The following BSN variants were observed in gnomAD, a reference collection of about 807,000 sequenced individuals.
BSN encodes the protein protein bassoon.
Under a neutral mutation model 264.8 loss-of-function variants are expected in BSN, and 57 were observed. The ratio of observed to expected loss-of-function variants is 0.22; its 90% CI spans 0.17 to 0.27. The LOEUF (loss-of-function observed/expected upper bound fraction) is 0.27, where lower values mean the gene tolerates loss of function less well. Ranked by LOEUF, BSN falls within the 10% of genes least tolerant of loss-of-function variation. BSN has a pLI of 1.00. For synonymous variants in BSN, 2,059 were observed against 2,137.3 expected, an observed-to-expected ratio of 0.96 and a Z score of 1.01; for missense variants, 4,615 against 5,232.5, an observed-to-expected ratio of 0.88 and a Z score of 3.64.
At chr3:49,575,215 G>A (rs568511333) in intron 1 of BSN, among the ~76,000 whole-genome samples, 76 of 151,760 alleles carry the variant, frequency 5.0e-4, no homozygotes, top group Middle Eastern at 6.8e-3. Context: ...TTAGCCGGGC[G>A]TGGTGGTGGG....
At chr3:49,620,488 G>C (rs1344225972) in intron 1 of BSN, among the ~76,000 whole-genome samples, 1 of 151,976 alleles carries the variant, frequency 6.6e-6, no homozygotes, top group Non-Finnish European at 1.5e-5. Context: ...AAATCCAATG[G>C]CCAAATGCAC....
At chr3:49,574,137 T>TG in intron 1 of BSN, among the ~76,000 whole-genome samples, 1 of 149,252 alleles carries the variant, frequency 6.7e-6, no homozygotes, top group African/African-American at 2.4e-5. Context: ...TTTGTATTTT[T>TG]TTTTTTTTTT....
rs140557626 is a variant in BSN at position 49,654,818 on chromosome 3, C to T, written c.5262C>T (p.Pro1754=). 70 of 1,613,346 alleles carry T rather than the reference C, an allele frequency of 4.3e-5. No individual in the cohort carries two copies. The highest frequency in any genetic ancestry group is 5.8e-5 in the Non-Finnish European group (68 of 1,179,958). Residue 1754 remains proline, a synonymous_variant, in exon 5 of 12, where the codon CCC becomes CCT. Transcript: ENST00000296452. The surrounding 1 kb of genome is among the most constrained non-coding windows in gnomAD (Gnocchi z 4.1). ...AGCAGCCTGTGGTCTATGGAGACCC[C>T]TACCAGAGCCGCCTTGACTTTGGCC... ...QQKQPVVYGD[P]YQSRLDFGQG... is the part of the protein sequence containing the mutation.
chr3:49,570,922 C>G (rs2051790600), intron 1 of BSN, among the ~76,000 whole-genome samples: 1 of 152,206 alleles, frequency 6.6e-6, no homozygotes, highest in Admixed American at 6.5e-5. Context: ...TGAACACTGA[C>G]TCTGGGGCTC....
intron 1 of BSN, among the ~76,000 whole-genome samples, chr3:49,566,524 C>T (rs866483289): frequency 1.3e-5 from 2 of 152,166 alleles, no homozygotes; most frequent in East Asian, 1.9e-4. Flanking sequence ...GTGGCTCCCC[C>T]CTGTAATCTC....
At position 49,655,077 on chromosome 3, in the gene BSN, C is replaced by A. The variant is rs1365664829; in HGVS notation, c.5521C>A (p.Pro1841Thr). ...CCCAGTGCCAGAGCCAGGTGCCGAG[C>A]CCCACCGGGCCACCCCTGCAGAGCT... ...PGPVPEPGAE[P>T]HRATPAELRS... The change falls in exon 5 of 12, where the codon CCC becomes ACC. Residue 1841 changes from proline to threonine, a missense_variant. Physicochemically the swap from Pro to Thr is conservative, Grantham distance 38 (BLOSUM62 -1). Coordinates refer to ENST00000296452, the MANE Select transcript of BSN (RefSeq NM_003458.4). 6.2e-7 allele frequency: 1 copy of A among 1,612,946 alleles called. No homozygotes were observed. The highest frequency in any genetic ancestry group is 2.2e-5 in the East Asian group (1 of 44,886).
Position 49,642,266 on chromosome 3 carries a change from A to T in BSN, c.634-2A>T. 1 of 1,517,872 alleles carries T rather than the reference A, an allele frequency of 6.6e-7. No homozygotes were observed. The highest frequency in any genetic ancestry group is 8.8e-7 in the Non-Finnish European group (1 of 1,133,398). The allele number at this position is 1,517,872 out of a possible 1,614,324, so 94.0% of individuals were successfully genotyped here. ...TGCTGACTATTTTGCTTTTCTCCTCAGGTGAAGGAGTGGCTCTGTCTGAAC... is the reference window on the plus strand; with the variant it reads ...TGCTGACTATTTTGCTTTTCTCCTCTGGTGAAGGAGTGGCTCTGTCTGAAC... On this transcript the variant is annotated splice_acceptor_variant, in intron 2 of 11. Transcript: ENST00000296452. LOFTEE classifies it high-confidence loss of function. The surrounding 1 kb of genome is among the most constrained non-coding windows in gnomAD (Gnocchi z 7.0).
At chr3:49,601,236 T>C (rs1177331374) in intron 1 of BSN, among the ~76,000 whole-genome samples, 2 of 152,122 alleles carry the variant, frequency 1.3e-5, no homozygotes. Context: ...GCTAGTGGCT[T>C]AGAAATATGG....
intron 1 of BSN, among the ~76,000 whole-genome samples, chr3:49,589,844 GT>G (rs36106925): frequency 1.4e-4 from 18 of 125,438 alleles, no homozygotes; most frequent in Admixed American, 4.2e-4. Context: ...CTTTTTCTTT[GT>G]TTTTTTTTTT....
chr3:49,642,077 A>G lies in BSN; in HGVS notation c.634-191A>G. The stretch of plus-strand genomic sequence containing the variant: ...CCTCCACTGCCTCACATGCCTGGCA[A>G]CTCCTAGAGGGCAGGGGAGTGCCAT... On this transcript the variant is annotated intron_variant, in intron 2 of 11. Coordinates refer to ENST00000296452, the MANE Select transcript of BSN (RefSeq NM_003458.4). This position sits in a 1 kb window ranked among gnomAD's most constrained non-coding sequence, Gnocchi z 7.0. Among the ~76,000 whole-genome samples, 1 of 151,882 alleles carries G rather than the reference A, an allele frequency of 6.6e-6. No homozygotes were observed. Among genetic ancestry groups the G allele is most frequent in the Non-Finnish European group, 1.5e-5 (1 of 67,948 alleles).
intron 1 of BSN, among the ~76,000 whole-genome samples, chr3:49,624,741 G>A (rs60307604): frequency 6.6e-6 from 1 of 152,164 alleles, no homozygotes; most frequent in Non-Finnish European, 1.5e-5. Flanking sequence ...TACTTTATCA[G>A]AATGTGAGAG....
chr3:49,646,375 T>C (rs1213887409), intron 3 of BSN, among the ~76,000 whole-genome samples: 1 of 152,212 alleles, frequency 6.6e-6, no homozygotes, highest in Non-Finnish European at 1.5e-5. Context: ...ACATTACCAG[T>C]CTCTTATTAT....
chr3:49,656,086 T>C lies in BSN; in HGVS notation c.6530T>C (p.Val2177Ala). 6.2e-7 allele frequency: 1 copy of C among 1,611,576 alleles called. No individual in the cohort carries two copies. The highest frequency in any genetic ancestry group is 8.5e-7 in the Non-Finnish European group (1 of 1,179,550). The change falls in exon 5 of 12, where the codon GTC becomes GCC. Residue 2177 changes from valine (V) to alanine (A), a missense_variant. Transcript: ENST00000296452. ...CCTGCAGCAGGCCAAGGAACAGCAGTCAGACAGCTGCTGCCGTCCACAGCC... is the reference window on the plus strand; with the variant it reads ...CCTGCAGCAGGCCAAGGAACAGCAGCCAGACAGCTGCTGCCGTCCACAGCC... ...YGPAAGQGTA[V>A]RQLLPSTATV...
At position 49,642,741 on chromosome 3, in the gene BSN, C is replaced by A. The variant is rs763169065; in HGVS notation, c.1107C>A (p.Pro369=). 1 of 1,613,496 alleles carries A rather than the reference C, an allele frequency of 6.2e-7. No individual in the cohort carries two copies. The highest frequency in any genetic ancestry group is 1.7e-5 in the Admixed American group (1 of 60,030). ...TQASTLMSVQ[P]EADTQGQPAP... The stretch of plus-strand genomic sequence containing the variant: ...CGAGCACCCTCATGTCTGTGCAGCC[C>A]GAGGCTGACACCCAGGGCCAGCCTG... Residue 369 remains proline, a synonymous_variant, in exon 3 of 12, where the codon CCC becomes CCA. Coordinates refer to ENST00000296452, the MANE Select transcript of BSN (RefSeq NM_003458.4). This position sits in a 1 kb window ranked among gnomAD's most constrained non-coding sequence, Gnocchi z 7.0.
intron 3 of BSN, among the ~76,000 whole-genome samples, chr3:49,649,452 A>T (rs1465146382): frequency 6.6e-6 from 1 of 152,182 alleles, no homozygotes; most frequent in Non-Finnish European, 1.5e-5. Flanking sequence ...GCTCCACTGT[A>T]ACTCTCATTC....
chr3:49,621,198 A>G (rs994835016), intron 1 of BSN, among the ~76,000 whole-genome samples: 4 of 152,156 alleles, frequency 2.6e-5, no homozygotes, highest in African/African-American at 9.7e-5. Flanking sequence ...GAAGATGTGG[A>G]GTTGGCAGTT....
chr3:49,611,432 T>C (rs2052205825), intron 1 of BSN, among the ~76,000 whole-genome samples: 1 of 152,154 alleles, frequency 6.6e-6, no homozygotes, highest in African/African-American at 2.4e-5. Flanking sequence ...TGCAGGTGTC[T>C]ATAAGCCTGG....
At position 49,554,736 on chromosome 3, in the gene BSN, A is replaced by C; in HGVS notation, c.134A>C (p.Gln45Pro). 4 of 1,218,812 alleles carry C rather than the reference A, an allele frequency of 3.3e-6. No homozygotes were observed. The highest frequency in any genetic ancestry group is 3.4e-5 in the East Asian group (1 of 29,236). The allele number at this position is 1,218,812 out of a possible 1,614,324, so 75.5% of individuals were successfully genotyped here. A position where few individuals can be genotyped will look rare whatever the true frequency, so the allele number is the denominator to read the frequency against. Residue 45 changes from glutamine (Q) to proline (P), a missense_variant, in exon 1 of 12, where the codon CAG (glutamine) becomes CCG (proline). Physicochemically the swap from Gln to Pro is moderately conservative, Grantham distance 76 (BLOSUM62 -1). This residue lies in a region of BSN where 1,197 missense variants were observed against 1,348.0 expected (regional missense o/e 0.89). Transcript: ENST00000296452. ...CCTTCAGCACCGGCCGGTGGCGGAC[A>C]GCTCCCCGCGGCGGGAGCAGCGCGG... Reference protein sequence around the residue: ...KPPSAPAGGGQLPAAGAARST... With the variant: ...KPPSAPAGGGPLPAAGAARST...
At chr3:49,671,738 A>T (rs1298981665), downstream of BSN, among the ~76,000 whole-genome samples, 2 of 152,234 alleles carry the variant, frequency 1.3e-5, no homozygotes, top group Non-Finnish European at 2.9e-5. This position sits in a 1 kb window ranked among gnomAD's most constrained non-coding sequence, Gnocchi z 4.1. Flanking sequence ...AAGGTGCCCA[A>T]GGGGAGGTCC....
Sources: gnomAD v4.1 joint callset for allele counts (sites outside exome capture counted in the v4.1 genomes callset) on GRCh38, gnomAD v4.1.1 for gene constraint, gnomAD v4.1.1 regional missense constraint, Gnocchi (gnomAD v3.1) non-coding constraint, MANE v1.5 for transcripts, NCBI Gene and HGNC (gene_info 2026-07-23, HGNC 2026-07-21) for gene names.